The following TEC variants were observed in gnomAD, a reference collection of about 807,000 sequenced individuals.
TEC encodes tyrosine-protein kinase Tec.
A neutral mutation model predicts 93.0 loss-of-function variants in TEC; 72 were observed. That is an observed-to-expected ratio of 0.77 (90% confidence interval 0.64 to 0.94). The LOEUF (loss-of-function observed/expected upper bound fraction) is 0.94. Ranked by LOEUF, TEC falls within the 40% of genes least tolerant of loss-of-function variation. The probability of loss-of-function intolerance (pLI) is 0.00; values close to 1 mark genes in which losing one functional copy is unlikely to be tolerated. For missense variants in TEC, 630 were observed against 757.9 expected, an observed-to-expected ratio of 0.83 and a Z score of 1.98; for synonymous variants, 249 against 247.7, an observed-to-expected ratio of 1.01 and a Z score of -0.05.
intron 1 of TEC, among the ~76,000 whole-genome samples, 151 bp downstream of exon 1, chr4:48,269,601 C>G (rs931212373): frequency 3.9e-5 from 6 of 152,260 alleles, no homozygotes; most frequent in Admixed American, 1.3e-4. Context: ...CGCACCCGCG[C>G]TCACTGCGGC....
intron 2 of TEC, among the ~76,000 whole-genome samples, chr4:48,179,351 TATATATATATATATATATATA>T (rs1560393028): frequency 7.3e-5 from 3 of 41,184 alleles, no homozygotes; most frequent in Admixed American, 2.8e-4. Context: ...TATATATATA[TATATATATATATATATATATA>T]TATATTTTTT....
At chr4:48,202,127 T>C (rs1407960019) in intron 2 of TEC, among the ~76,000 whole-genome samples, 2 of 151,902 alleles carry the variant, frequency 1.3e-5, no homozygotes, top group East Asian at 3.9e-4. Context: ...TATTTTAAGG[T>C]GGACAGGTTT....
chr4:48,219,166 G>T (rs9684908), intron 2 of TEC, among the ~76,000 whole-genome samples: 25,661 of 152,114 alleles, frequency 0.17, 2,722 homozygotes, highest in Non-Finnish European at 0.24. Flanking sequence ...AATAACCAGC[G>T]GGTATAGGGT....
At chr4:48,170,889 A>G (rs1207676926) in intron 4 of TEC, among the ~76,000 whole-genome samples, 2 of 152,128 alleles carry the variant, frequency 1.3e-5, no homozygotes, top group Non-Finnish European at 2.9e-5. Context: ...TGTCCCTACT[A>G]AAAATACAAA....
intron 2 of TEC, among the ~76,000 whole-genome samples, chr4:48,214,605 A>C (rs527395460): frequency 6.6e-6 from 1 of 152,306 alleles, no homozygotes; most frequent in East Asian, 1.9e-4. Flanking sequence ...TAATCCCAGC[A>C]CTTTGGGAGG....
At chr4:48,242,461 A>G (rs1407954466) in intron 1 of TEC, among the ~76,000 whole-genome samples, 1 of 152,252 alleles carries the variant, frequency 6.6e-6, no homozygotes, top group Non-Finnish European at 1.5e-5. Context: ...CAAAGGTAAC[A>G]GAAGCGTCTA....
chr4:48,177,845 C>T (rs1172589180), intron 2 of TEC, among the ~76,000 whole-genome samples: 3 of 152,144 alleles, frequency 2.0e-5, no homozygotes. Flanking sequence ...TTATAAGGGG[C>T]TCTTTCCCTT....
intron 2 of TEC, among the ~76,000 whole-genome samples, chr4:48,218,177 T>C (rs1723141098): frequency 1.3e-5 from 2 of 152,174 alleles, no homozygotes; most frequent in African/African-American, 2.4e-5. Context: ...AAGAAGAAAG[T>C]TGATACCACC....
intron 7 of TEC, among the ~76,000 whole-genome samples, chr4:48,165,363 A>C (rs1264609444): frequency 6.6e-6 from 1 of 152,254 alleles, no homozygotes; most frequent in African/African-American, 2.4e-5. Context: ...TTCATGAACT[A>C]AATGAACTGG....
At chr4:48,237,784 G>T (rs1232354362) in intron 1 of TEC, among the ~76,000 whole-genome samples, 1 of 152,166 alleles carries the variant, frequency 6.6e-6, no homozygotes, top group Non-Finnish European at 1.5e-5. Flanking sequence ...CATCAGAACA[G>T]GTGACCTTAT....
intron 3 of TEC, 117 bp from the exon 4 acceptor site, chr4:48,171,566 A>C: frequency 1.5e-6 from 1 of 679,082 alleles, no homozygotes; most frequent in Non-Finnish European, 2.3e-6. Context: ...ACTGAAAGTC[A>C]ATAACTTCAT....
In TEC at chr4:48,257,788, T is replaced by C. The variant is rs1044378644; in HGVS notation, c.-46+11964A>G. ...TGCCACAGTACAAGAGGGTGCACCC[T>C]GTCCACATGCCCATTTACCTTTCTA... On this transcript the variant is annotated intron_variant, in intron 1 of 17. Coordinates refer to ENST00000381501, the MANE Select transcript of TEC (RefSeq NM_003215.3). Among the ~76,000 whole-genome samples the C allele has an allele frequency of 3.3e-4, 6 of 18,134 alleles. No individual in the cohort carries two copies. In the Non-Finnish European group the frequency reaches 0.021, roughly 64 times the overall value. 11.9% of individuals were successfully genotyped at this position (18,134 alleles called of 152,430 possible). A position where few individuals can be genotyped will look rare whatever the true frequency, so the allele number is the denominator to read the frequency against.
At chr4:48,186,068 G>A (rs1482912407) in intron 2 of TEC, among the ~76,000 whole-genome samples, 1 of 152,178 alleles carries the variant, frequency 6.6e-6, no homozygotes, top group Non-Finnish European at 1.5e-5. Flanking sequence ...CATGTTGGCC[G>A]GGCTGGTCTC....
chr4:48,175,451 G>A (rs750056203), intron 3 of TEC, among the ~76,000 whole-genome samples: 18 of 152,188 alleles, frequency 1.2e-4, no homozygotes, highest in Non-Finnish European at 2.1e-4. Context: ...GTGAGGTGCT[G>A]GGGAGGGGCT....
intron 2 of TEC, among the ~76,000 whole-genome samples, chr4:48,211,785 C>T (rs1016079186): frequency 2.6e-5 from 4 of 152,050 alleles, no homozygotes; most frequent in Non-Finnish European, 5.9e-5. Context: ...AAGCATAACC[C>T]TTTTCAGCTT....
chr4:48,150,999 T>C (rs1720140881), intron 9 of TEC, 57 bp from the exon 10 acceptor site: 16 of 1,096,228 alleles, frequency 1.5e-5, no homozygotes, highest in Non-Finnish European at 1.6e-5. Context: ...AGCATTGCCA[T>C]GGAGAAGACT....
Position 48,150,848 on chromosome 4 carries a change from G to A in TEC, c.872+15C>T. On this transcript the variant is annotated intron_variant, in intron 10 of 17. Transcript: ENST00000381501. ...AAAACTCTAAATTATAAAAAAAAAT[G>A]GCAGGATTACTCACCCTCCAAACTT... 6.7e-7 allele frequency: 1 copy of A among 1,489,052 alleles called. No homozygotes were observed. The highest frequency in any genetic ancestry group is 1.5e-5 in the South Asian group (1 of 67,794). The allele number at this position is 1,489,052 out of a possible 1,614,324, so 92.2% of individuals were successfully genotyped here. A position where few individuals can be genotyped will look rare whatever the true frequency, so the allele number is the denominator to read the frequency against.
intron 2 of TEC, among the ~76,000 whole-genome samples, chr4:48,177,426 G>A (rs1199273074): frequency 8.5e-5 from 13 of 152,258 alleles, no homozygotes. Flanking sequence ...CTTAGTCACT[G>A]AAAATTCTTT....
chr4:48,147,207 A>C (rs879543313), intron 11 of TEC, among the ~76,000 whole-genome samples: 10 of 152,238 alleles, frequency 6.6e-5, no homozygotes, highest in African/African-American at 1.9e-4. Flanking sequence ...AATTGATATG[A>C]AATCAGTTCC....
Sources: gnomAD v4.1 joint callset for allele counts (sites outside exome capture counted in the v4.1 genomes callset) on GRCh38, gnomAD v4.1.1 for gene constraint, MANE v1.5 for transcripts, NCBI Gene and HGNC (gene_info 2026-07-23, HGNC 2026-07-21) for gene names.